GRB14: variants seen among roughly 807,000 people sequenced by gnomAD.
The protein encoded by GRB14 is growth factor receptor-bound protein 14.
A neutral mutation model predicts 69.1 loss-of-function variants in GRB14; 38 were observed. The observed-to-expected ratio is 0.55, with a 90% CI of 0.42 to 0.72. GRB14 has a LOEUF of 0.72. Among genes scored for constraint, GRB14 ranks in the 30% least tolerant of loss-of-function variants. GRB14 has a pLI of 0.00. For synonymous variants in GRB14, 247 were observed against 241.3 expected, an observed-to-expected ratio of 1.02 and a Z score of -0.22; for missense variants, 666 against 666.1, an observed-to-expected ratio of 1.00 and a Z score of 0.00.
At chr2:164,617,688 G>A (rs1469086514) in intron 2 of GRB14, among the ~76,000 whole-genome samples, 1 of 152,086 alleles carries the variant, frequency 6.6e-6, no homozygotes, top group Non-Finnish European at 1.5e-5. Context: ...TAGCATTAAA[G>A]TGAGTCAGCC....
At chr2:164,506,572 A>G (rs1687194912) in intron 8 of GRB14, among the ~76,000 whole-genome samples, 1 of 152,216 alleles carries the variant, frequency 6.6e-6, no homozygotes, top group African/African-American at 2.4e-5. Context: ...AATTAAATGT[A>G]CAATTACCAT....
At chr2:164,586,040 C>T (rs899766785) in intron 2 of GRB14, among the ~76,000 whole-genome samples, 5 of 152,104 alleles carry the variant, frequency 3.3e-5, no homozygotes, top group African/African-American at 1.2e-4. Flanking sequence ...AAGAGATGCA[C>T]ACAACATGTG....
In GRB14 at chr2:164,523,907, T is replaced by G. The variant is rs1273210099; in HGVS notation, c.678+1097A>C. Among the ~76,000 whole-genome samples, 5 of 151,990 alleles carry G rather than the reference T, an allele frequency of 3.3e-5. No individual in the cohort carries two copies. The East Asian group carries it at 5.8e-4, about 18-fold the overall frequency. ...TAAAAACTCCATCCCACCACTGTGTTGTAATACAGTGGTGAAGCATTCAGA... is the reference window on the plus strand; with the variant it reads ...TAAAAACTCCATCCCACCACTGTGTGGTAATACAGTGGTGAAGCATTCAGA... On this transcript the variant is annotated intron_variant, in intron 5 of 13. Transcript: ENST00000263915.
chr2:164,551,394 G>A (rs1688534314), intron 2 of GRB14, among the ~76,000 whole-genome samples: 1 of 152,144 alleles, frequency 6.6e-6, no homozygotes, highest in South Asian at 2.1e-4. Flanking sequence ...CCCACACAGA[G>A]TAAGTCATAA....
At chr2:164,590,347 G>T (rs895406386) in intron 2 of GRB14, among the ~76,000 whole-genome samples, 8 of 152,024 alleles carry the variant, frequency 5.3e-5, no homozygotes, top group African/African-American at 1.9e-4. Context: ...ATGCTTAAAA[G>T]ATAGTTATAA....
At position 164,497,077 on chromosome 2, in the gene GRB14, G is replaced by T. The variant is rs918023414; in HGVS notation, c.1313C>A (p.Pro438Gln). 3 of 1,613,670 alleles carry T rather than the reference G, an allele frequency of 1.9e-6. No individual in the cohort carries two copies. The highest frequency in any genetic ancestry group is 2.5e-6 in the Non-Finnish European group (3 of 1,179,782). Reference protein sequence around the residue: ...ATNMAIHRSQPWFHHKISRDE... With the variant: ...ATNMAIHRSQQWFHHKISRDE... ...TCTAGAAATTTTGTGGTGAAACCAT[G>T]GCTGGGACCGGTGGATAGCTAAAGA... The change falls in exon 12 of 14, where the codon CCA becomes CAA. Residue 438 changes from proline (P) to glutamine (Q), a missense_variant. Transcript: ENST00000263915.
At chr2:164,611,714 C>T (rs1350084850) in intron 2 of GRB14, among the ~76,000 whole-genome samples, 1 of 151,852 alleles carries the variant, frequency 6.6e-6, no homozygotes, top group African/African-American at 2.4e-5. Context: ...AATATTTGAA[C>T]TATGACTTTG....
intron 2 of GRB14, among the ~76,000 whole-genome samples, chr2:164,615,802 T>G (rs1690276229): frequency 6.6e-6 from 1 of 152,130 alleles, no homozygotes; most frequent in Admixed American, 6.5e-5. Context: ...ACACAGGCTA[T>G]GTCCAAGCAC....
At chr2:164,597,894 T>C (rs918817197) in intron 2 of GRB14, among the ~76,000 whole-genome samples, 2 of 152,014 alleles carry the variant, frequency 1.3e-5, no homozygotes, top group Non-Finnish European at 2.9e-5. Flanking sequence ...GTTGGGCAGA[T>C]AGAAAGGAAA....
intron 2 of GRB14, among the ~76,000 whole-genome samples, chr2:164,610,890 A>C (rs1690151877): frequency 1.4e-5 from 2 of 143,406 alleles, no homozygotes; most frequent in African/African-American, 2.6e-5. Flanking sequence ...AAAAAAAAAA[A>C]CAGGCTACAT....
chr2:164,540,748 C>T (rs186283166), intron 3 of GRB14, among the ~76,000 whole-genome samples: 14 of 152,314 alleles, frequency 9.2e-5, no homozygotes, highest in Admixed American at 9.2e-4. Flanking sequence ...TGTCTCTCTC[C>T]CAGTGAAAAT....
chr2:164,553,129 A>T (rs190523563), intron 2 of GRB14, among the ~76,000 whole-genome samples: 1 of 152,178 alleles, frequency 6.6e-6, no homozygotes, highest in Admixed American at 6.5e-5. Flanking sequence ...CTTATTTTGC[A>T]TGTTCTATCT....
intron 2 of GRB14, among the ~76,000 whole-genome samples, chr2:164,561,349 A>G (rs375855365): frequency 6.6e-6 from 1 of 152,202 alleles, no homozygotes; most frequent in Admixed American, 6.5e-5. Flanking sequence ...TTATTATTAT[A>G]AAATTTTGAA....
At chr2:164,495,131 A>G (rs1686858005) in intron 12 of GRB14, among the ~76,000 whole-genome samples, 1 of 151,986 alleles carries the variant, frequency 6.6e-6, no homozygotes, top group Non-Finnish European at 1.5e-5. Context: ...TAGCAGAGAC[A>G]GGGTTTCACC....
In GRB14 at chr2:164,595,792, T is replaced by C. The variant is rs572995630; in HGVS notation, c.324+23895A>G. 2.0e-5 allele frequency among the ~76,000 whole-genome samples: 3 copies of C among 152,304 alleles called. No individual in the cohort carries two copies. The South Asian group carries it at 6.2e-4, about 32-fold the overall frequency. On this transcript the variant is annotated intron_variant, in intron 2 of 13. Coordinates refer to ENST00000263915, the MANE Select transcript of GRB14 (RefSeq NM_004490.3). ...AACAGTTGGTGGCACTTAGAGACTA[T>C]TGCAATAGTGCAGAAATAAGATCAT... is the stretch of plus-strand genomic sequence containing the variant.
At chr2:164,581,903 C>T (rs1269373788) in intron 2 of GRB14, among the ~76,000 whole-genome samples, 2 of 152,074 alleles carry the variant, frequency 1.3e-5, no homozygotes, top group Non-Finnish European at 2.9e-5. Flanking sequence ...TATCTTTTAC[C>T]AATAAACTCC....
chr2:164,558,068 T>C lies in GRB14; in HGVS notation c.325-10252A>G, dbSNP rs1157315492. On this transcript the variant is annotated intron_variant, in intron 2 of 13. Transcript: ENST00000263915. Reference sequence around the variant, plus strand: ...TGACACTGCAGCAGCATGCCGCATCTAGGGTTCCAACCAAGAGAAAAAAAG... The same window carrying C: ...TGACACTGCAGCAGCATGCCGCATCCAGGGTTCCAACCAAGAGAAAAAAAG... Among the ~76,000 whole-genome samples the C allele has an allele frequency of 2.6e-5, 4 of 152,112 alleles. 1 individual carries two copies. The highest frequency in any genetic ancestry group is 4.4e-5 in the Non-Finnish European group (3 of 68,022).
At chr2:164,612,764 A>C (rs1365427760) in intron 2 of GRB14, among the ~76,000 whole-genome samples, 2 of 152,168 alleles carry the variant, frequency 1.3e-5, no homozygotes, top group African/African-American at 4.8e-5. Flanking sequence ...AACATATTAT[A>C]TGCCCCAGGG....
At chr2:164,596,104 C>G (rs185363264) in intron 2 of GRB14, among the ~76,000 whole-genome samples, 2 of 152,192 alleles carry the variant, frequency 1.3e-5, no homozygotes, top group Admixed American at 1.3e-4. Flanking sequence ...AGCCTGATGA[C>G]AGAGGGAGAC....
Sources: gnomAD v4.1 joint callset for allele counts (sites outside exome capture counted in the v4.1 genomes callset) on GRCh38, gnomAD v4.1.1 for gene constraint, MANE v1.5 for transcripts, NCBI Gene and HGNC (gene_info 2026-07-23, HGNC 2026-07-21) for gene names.